STX12: variants seen among roughly 807,000 people sequenced by gnomAD.
The protein encoded by STX12 is syntaxin-12.
Under a neutral mutation model 42.2 loss-of-function variants are expected in STX12, and 17 were observed. That is an observed-to-expected ratio of 0.40 (90% CI 0.28 to 0.60). STX12 has a LOEUF of 0.60. Ranked by LOEUF, STX12 falls within the 20% of genes least tolerant of loss-of-function variation. STX12 has a pLI of 0.39. For synonymous variants in STX12, 108 were observed against 116.7 expected (o/e 0.93, Z 0.48); for missense variants, 297 against 330.9 (o/e 0.90, Z 0.79).
At chr1:27,801,552 A>C in intron 3 of STX12, 126 bp from the exon 4 acceptor site, 1 of 986,370 alleles carries the variant, frequency 1.0e-6, no homozygotes, top group Non-Finnish European at 1.3e-6. Context: ...TTTAAAGAAG[A>C]GACTATTTCA....
rs1394634354 is a variant in STX12 at position 27,823,919 on chromosome 1, A to C, written c.*1590A>C. On this transcript the variant is annotated 3_prime_UTR_variant, in exon 9 of 9. Transcript: ENST00000373943. Reference sequence around the variant, plus strand: ...AGGTGTAGCTGCCTTTCCTTGAAAAACAGTGTGTAGAGATGGCTGAGTGCA... The same window carrying C: ...AGGTGTAGCTGCCTTTCCTTGAAAACCAGTGTGTAGAGATGGCTGAGTGCA... The C allele has an allele frequency of 6.6e-6, 1 of 152,108 alleles. No individual in the cohort carries two copies. The highest frequency in any genetic ancestry group is 6.6e-5 in the Admixed American group (1 of 15,252). 9.4% of individuals were successfully genotyped at this position (152,108 alleles called of 1,614,324 possible).
Position 27,792,796 on chromosome 1 carries a change from T to A in STX12, c.189-737T>A, listed in dbSNP as rs1395177551. Reference sequence around the variant, plus strand: ...GTTTCACTGTCGTCTCAGAAAGCCTTTGTAGAAATGGCTGGATAGTAGAGG... The same window carrying A: ...GTTTCACTGTCGTCTCAGAAAGCCTATGTAGAAATGGCTGGATAGTAGAGG... On this transcript the variant is annotated intron_variant, in intron 2 of 8. Coordinates refer to ENST00000373943, the MANE Select transcript of STX12 (RefSeq NM_177424.3). 2.0e-5 allele frequency among the ~76,000 whole-genome samples: 3 copies of A among 152,222 alleles called. No homozygotes were observed. In the East Asian group the frequency reaches 5.8e-4, roughly 29 times the overall value.
In STX12 at chr1:27,801,736, A is replaced by G. The variant is rs770568220; in HGVS notation, c.347A>G (p.Asn116Ser). Reference sequence around the variant, plus strand: ...AATGACTTCTCTGCAGCCTTAAACAATTTCCAGGCTGTGCAGAGAAGGGTA... The same window carrying G: ...AATGACTTCTCTGCAGCCTTAAACAGTTTCCAGGCTGTGCAGAGAAGGGTA... ...LMNDFSAALN[N>S]FQAVQRRVSE... The change falls in exon 4 of 9, where the codon AAT becomes AGT. Residue 116 changes from asparagine to serine, a missense_variant. Physicochemically the swap from Asn to Ser is conservative, Grantham distance 46 (BLOSUM62 1). Coordinates refer to ENST00000373943, the MANE Select transcript of STX12 (RefSeq NM_177424.3). 1.3e-6 allele frequency: 2 copies of G among 1,593,742 alleles called. No individual in the cohort carries two copies. Among genetic ancestry groups the G allele is most frequent in the East Asian group, 2.3e-5 (1 of 43,108 alleles).
intron 1 of STX12, chr1:27,773,935 G>A (rs1430935476): frequency 6.4e-6 from 1 of 155,362 alleles, no homozygotes; most frequent in Non-Finnish European, 1.4e-5. Context: ...GTGTTTGGGT[G>A]ACTTCATACA....
At chr1:27,805,960 T>C (rs945866711) in intron 4 of STX12, among the ~76,000 whole-genome samples, 18 of 152,240 alleles carry the variant, frequency 1.2e-4, no homozygotes, top group Non-Finnish European at 2.6e-4. Flanking sequence ...TTGGTCTATA[T>C]TATACTTTGA....
At chr1:27,777,478 T>C (rs1281634005) in intron 1 of STX12, among the ~76,000 whole-genome samples, 1 of 152,232 alleles carries the variant, frequency 6.6e-6, no homozygotes, top group African/African-American at 2.4e-5. Flanking sequence ...TAATAAATTG[T>C]ATCAAATTGA....
intron 5 of STX12, among the ~76,000 whole-genome samples, chr1:27,811,790 C>CT (rs1481944234): frequency 3.9e-5 from 6 of 152,172 alleles, no homozygotes; most frequent in Non-Finnish European, 7.3e-5. Context: ...GCAGCTTGCA[C>CT]TTTGAGAGTG....
intron 1 of STX12, among the ~76,000 whole-genome samples, chr1:27,784,010 C>T (rs2088684845): frequency 6.6e-6 from 1 of 151,992 alleles, no homozygotes. Flanking sequence ...GAAACCCCAT[C>T]TCTACTAAAA....
In STX12 at chr1:27,819,683, T is replaced by G. The variant is rs373301735; in HGVS notation, c.683T>G (p.Val228Gly). 1.2e-6 allele frequency: 2 copies of G among 1,613,912 alleles called. No individual in the cohort carries two copies. Among genetic ancestry groups the G allele is most frequent in the Non-Finnish European group, 1.7e-6 (2 of 1,179,878 alleles). ...SIEANVESSE[V>G]HVERATEQLQ... is the part of the protein sequence containing the mutation. ...GAAGCCAATGTGGAAAGCTCAGAGGTGCACGTCGAAAGAGCCACTGAACAG... is the reference window on the plus strand; with the variant it reads ...GAAGCCAATGTGGAAAGCTCAGAGGGGCACGTCGAAAGAGCCACTGAACAG... Residue 228 changes from valine (V) to glycine (G), a missense_variant, in exon 8 of 9, where the codon GTG becomes GGG. By Grantham distance (109) the Val-to-Gly change is moderately radical (BLOSUM62 -3). Transcript: ENST00000373943.
At chr1:27,792,726 C>T (rs922334607) in intron 2 of STX12, among the ~76,000 whole-genome samples, 2 of 152,126 alleles carry the variant, frequency 1.3e-5, no homozygotes, top group Non-Finnish European at 2.9e-5. Flanking sequence ...AGGATTTCAA[C>T]ATATGAATTT....
intron 3 of STX12, among the ~76,000 whole-genome samples, chr1:27,798,849 G>A (rs925727770): frequency 2.7e-5 from 4 of 150,466 alleles, no homozygotes; most frequent in African/African-American, 9.8e-5. Context: ...AGCTACTCAG[G>A]TGGCTGAGGT....
chr1:27,801,877 G>A, intron 4 of STX12, 62 bp downstream of exon 4: 1 of 1,535,872 alleles, frequency 6.5e-7, no homozygotes, highest in Non-Finnish European at 8.7e-7. Context: ...AAGTTTGTGG[G>A]TTTTTTTCTT....
chr1:27,777,886 CAAAAAAA>C (rs559569659), intron 1 of STX12, among the ~76,000 whole-genome samples: 2 of 142,396 alleles, frequency 1.4e-5, no homozygotes, highest in South Asian at 4.4e-4. Context: ...GACTCAGTCT[CAAAAAAA>C]AAAGAAAAAA....
At chr1:27,818,957 G>A (rs1266896765) in intron 7 of STX12, among the ~76,000 whole-genome samples, 2 of 151,828 alleles carry the variant, frequency 1.3e-5, no homozygotes, top group Non-Finnish European at 2.9e-5. Context: ...CTTTCTATGT[G>A]GAAATAATTT....
intron 1 of STX12, among the ~76,000 whole-genome samples, chr1:27,779,818 G>A (rs1410779199): frequency 3.3e-5 from 5 of 149,454 alleles, no homozygotes; most frequent in East Asian, 2.0e-4. Context: ...AGAGAGTTTC[G>A]CTGTTGTTAA....
Position 27,819,636 on chromosome 1 carries a change from C to A in STX12, c.650-14C>A. 6.2e-7 allele frequency: 1 copy of A among 1,612,156 alleles called. No individual in the cohort carries two copies. The highest frequency in any genetic ancestry group is 1.1e-5 in the South Asian group (1 of 90,934). On this transcript the variant is annotated splice_polypyrimidine_tract_variant and intron_variant, in intron 7 of 8. Transcript: ENST00000373943. The stretch of plus-strand genomic sequence containing the variant: ...CTGAGTGTGTTAAAACATCCTCTGT[C>A]CTTCCTTTTGCAGATAGCATAGAAG...
intron 6 of STX12, among the ~76,000 whole-genome samples, chr1:27,814,541 A>C (rs1212133301): frequency 1.4e-5 from 2 of 146,724 alleles, no homozygotes; most frequent in Non-Finnish European, 2.9e-5. Flanking sequence ...TAATAATAAT[A>C]ATCCTTCCTT....
At position 27,818,099 on chromosome 1, in the gene STX12, T is replaced by C. The variant is rs553407011; in HGVS notation, c.649+176T>C. ...AAGAAAGAAAGAAAGAAAAAGGAGT[T>C]AGGCTAGGCGTGGTGGCTCAGGCCT... On this transcript the variant is annotated intron_variant, in intron 7 of 8. Coordinates refer to ENST00000373943, the MANE Select transcript of STX12 (RefSeq NM_177424.3). The C allele has an allele frequency of 3.6e-3, 2,039 of 569,490 alleles. 10 individuals are homozygous for C. Among genetic ancestry groups the C allele is most frequent in the Middle Eastern group, 4.9e-3 (10 of 2,050 alleles). The allele number at this position is 569,490 out of a possible 1,614,324, so 35.3% of individuals were successfully genotyped here. A position where few individuals can be genotyped will look rare whatever the true frequency, so the allele number is the denominator to read the frequency against.
Position 27,776,550 on chromosome 1 carries a change from C to CA in STX12, c.118+3134dup, listed in dbSNP as rs1415616898. On this transcript the variant is annotated intron_variant, in intron 1 of 8. Transcript: ENST00000373943. The stretch of plus-strand genomic sequence containing the variant: ...ACAACATAGTGAGACCCCATCTCTA[C>CA]AAAAAAAAAGTTAAAAATTAGCCAG... 3.3e-4 allele frequency among the ~76,000 whole-genome samples: 50 copies of CA among 150,632 alleles called. No individual in the cohort carries two copies. The East Asian group carries it at 7.4e-3, about 22-fold the overall frequency.
Sources: allele counts gnomAD v4.1 joint callset (sites outside exome capture counted in the v4.1 genomes callset), GRCh38; gene constraint gnomAD v4.1.1; transcripts MANE v1.5; gene names NCBI Gene and HGNC (gene_info 2026-07-23, HGNC 2026-07-21).